Variants in POLN observed in about 807,000 individuals in gnomAD.
POLN encodes DNA polymerase nu, also known as DNA polymerase N.
POLN carries 108 observed loss-of-function variants against 113.5 expected under a neutral mutation model. The observed-to-expected ratio is 0.95, with a 90% CI of 0.81 to 1.12. POLN has a LOEUF of 1.12. Among genes scored for constraint, POLN ranks in the 50% most tolerant of loss-of-function variants. POLN has a pLI of 0.00. For synonymous variants in POLN, 386 were observed against 391.5 expected (o/e 0.99, Z 0.17); for missense variants, 1,097 against 1,077.1 (o/e 1.02, Z -0.26).
Position 2,127,130 on chromosome 4 carries a change from G to T in POLN, c.1982+983C>A, listed in dbSNP as rs949332906. On this transcript the variant is annotated intron_variant, in intron 19 of 25. Transcript: ENST00000511885. This position sits in a 1 kb window ranked among gnomAD's most constrained non-coding sequence, Gnocchi z 4.7. ...GGCAGGAGATGAGCTGGGACGGAGGGTAGGGAGGGGTGAGGGGGCCATAGG... is the reference window on the plus strand; with the variant it reads ...GGCAGGAGATGAGCTGGGACGGAGGTTAGGGAGGGGTGAGGGGGCCATAGG... Among the ~76,000 whole-genome samples, 7 of 150,268 alleles carry T rather than the reference G, an allele frequency of 4.7e-5. No individual in the cohort carries two copies. Among genetic ancestry groups the T allele is most frequent in the Non-Finnish European group, 8.9e-5 (6 of 67,460 alleles).
At chr4:2,081,561 C>T (rs1405240753) in intron 22 of POLN, 72 bp downstream of exon 22, 21 of 1,446,500 alleles carry the variant, frequency 1.5e-5, no homozygotes, top group Non-Finnish European at 4.8e-6. Context: ...CGGTGGGTGC[C>T]ACCCAGCCCT....
At chr4:2,141,796 C>A (rs1011469649) in intron 16 of POLN, among the ~76,000 whole-genome samples, 1 of 152,202 alleles carries the variant, frequency 6.6e-6, no homozygotes, top group Non-Finnish European at 1.5e-5. Flanking sequence ...TTCCAGCCCC[C>A]TCTCAGGCTC....
At chr4:2,152,669 A>C (rs1732325137) in intron 16 of POLN, among the ~76,000 whole-genome samples, 2 of 152,194 alleles carry the variant, frequency 1.3e-5, no homozygotes, top group African/African-American at 4.8e-5. Flanking sequence ...ATTTTCTTAA[A>C]TAGTGTGCAG....
chr4:2,237,425 G>C (rs548296212), intron 2 of POLN, among the ~76,000 whole-genome samples: 18 of 151,630 alleles, frequency 1.2e-4, no homozygotes, highest in African/African-American at 4.1e-4. Flanking sequence ...AAGAGAGTGA[G>C]ACCTTGTCTT....
chr4:2,108,083 A>ACTT (rs1271086183), intron 19 of POLN, among the ~76,000 whole-genome samples: 6 of 152,018 alleles, frequency 3.9e-5, no homozygotes, highest in Non-Finnish European at 8.8e-5. Flanking sequence ...GTCTCTCTTG[A>ACTT]CTTCTTCAAA....
chr4:2,238,429 C>CA (rs1298170657), intron 2 of POLN, among the ~76,000 whole-genome samples: 2 of 128,620 alleles, frequency 1.6e-5, no homozygotes, highest in African/African-American at 2.9e-5. Context: ...GAAAAGGCAG[C>CA]AAAAAAACTA....
chr4:2,146,772 G>T (rs1003326697), intron 16 of POLN, among the ~76,000 whole-genome samples: 28 of 152,276 alleles, frequency 1.8e-4, no homozygotes, highest in South Asian at 8.3e-4. Context: ...GGATCTAGGG[G>T]CAGAAAAAGT....
At chr4:2,220,638 G>C (rs1425477028) in intron 3 of POLN, among the ~76,000 whole-genome samples, 2 of 152,194 alleles carry the variant, frequency 1.3e-5, no homozygotes, top group Admixed American at 6.5e-5. Context: ...GTCTGCTCTT[G>C]CTGGATTCTT....
At chr4:2,176,422 G>A (rs6599413) in intron 8 of POLN, 88 bp from the exon 9 acceptor site, 155,251 of 1,045,542 alleles carry the variant, frequency 0.15, 18,056 homozygotes, top group African/African-American at 0.52. Flanking sequence ...CTTGAAAAAT[G>A]TTTCCTAGTA....
intron 11 of POLN, among the ~76,000 whole-genome samples, chr4:2,172,922 A>G (rs547346173): frequency 7.4e-4 from 112 of 152,366 alleles, no homozygotes; most frequent in African/African-American, 2.5e-3. Context: ...GCAGTGGGAC[A>G]GAGACACCAA....
chr4:2,120,927 A>G (rs1731423868), intron 19 of POLN, among the ~76,000 whole-genome samples: 1 of 152,216 alleles, frequency 6.6e-6, no homozygotes, highest in African/African-American at 2.4e-5. Flanking sequence ...CTTACTTATT[A>G]GTTCTAAGAG....
Position 2,102,839 on chromosome 4 carries a change from G to A in POLN, c.1983-6906C>T, listed in dbSNP as rs13434735. 4.1e-3 allele frequency among the ~76,000 whole-genome samples: 619 copies of A among 152,256 alleles called. 4 individuals carry two copies. The highest frequency in any genetic ancestry group is 0.014 in the African/African-American group (587 of 41,550). On this transcript the variant is annotated intron_variant, in intron 19 of 25. Transcript: ENST00000511885. ...TTCACAGCCAAAGAAATCATACAGA[G>A]TCTTCACTACTACACGCACTCAGAA...
At chr4:2,233,429 T>C (rs1210262325) in intron 2 of POLN, among the ~76,000 whole-genome samples, 1 of 139,890 alleles carries the variant, frequency 7.1e-6, no homozygotes, top group Non-Finnish European at 1.5e-5. Context: ...TTAGTGATTC[T>C]TGGATGCATT....
chr4:2,202,185 C>T (rs1733732447), intron 5 of POLN, among the ~76,000 whole-genome samples: 1 of 151,974 alleles, frequency 6.6e-6, no homozygotes, highest in Non-Finnish European at 1.5e-5. Context: ...GGAATGGTAC[C>T]TCACATCTCA....
In POLN at chr4:2,179,430, C is replaced by A; in HGVS notation, c.1057G>T (p.Ala353Ser). 6.2e-7 allele frequency: 1 copy of A among 1,613,962 alleles called. No homozygotes were observed. ...DFIGLDPRIA[A>S]WLIDPSDATP... ...GCATCACTAGGATCTATAAGCCATG[C>A]AGCAATTCTGGGATCTAGCCCTATA... The change falls in exon 8 of 26, where the codon GCA becomes TCA. Residue 353 changes from alanine (A) to serine (S), a missense_variant. By Grantham distance (99) the Ala-to-Ser change is moderately conservative. Coordinates refer to ENST00000511885, the MANE Select transcript of POLN (RefSeq NM_181808.4).
rs1197048063 is a variant in POLN at position 2,127,709 on chromosome 4, C to A, written c.1982+404G>T. 6.6e-6 allele frequency among the ~76,000 whole-genome samples: 1 copy of A among 152,268 alleles called. No individual in the cohort carries two copies. The highest frequency in any genetic ancestry group is 2.4e-5 in the African/African-American group (1 of 41,474). ...TAAGCCACTCAGGCAGGATCTTTCA[C>A]CCGCAGCTCAAGAAGCCCCTGGCCC... On this transcript the variant is annotated intron_variant, in intron 19 of 25. Coordinates refer to ENST00000511885, the MANE Select transcript of POLN (RefSeq NM_181808.4). This position sits in a 1 kb window ranked among gnomAD's most constrained non-coding sequence, Gnocchi z 4.7.
intron 16 of POLN, 32 bp downstream of exon 16, chr4:2,156,756 G>A (rs746097503): frequency 1.1e-5 from 18 of 1,576,988 alleles, no homozygotes; most frequent in Admixed American, 3.3e-5. Context: ...GGAAAATGGC[G>A]TTTAACAAAG....
At chr4:2,129,347 G>T in intron 17 of POLN, 91 bp from the exon 18 acceptor site, 1 of 809,534 alleles carries the variant, frequency 1.2e-6, no homozygotes, top group Non-Finnish European at 2.1e-6. Flanking sequence ...ATATTATTCT[G>T]AAGTCCAGAG....
intron 13 of POLN, among the ~76,000 whole-genome samples, chr4:2,168,721 A>G (rs940984236): frequency 3.3e-5 from 5 of 152,330 alleles, no homozygotes; most frequent in East Asian, 1.9e-4. Context: ...CATGCTGCCC[A>G]TGTCCACTGT....
Sources: gnomAD v4.1 joint callset for allele counts (sites outside exome capture counted in the v4.1 genomes callset) on GRCh38, gnomAD v4.1.1 for gene constraint, Gnocchi (gnomAD v3.1) non-coding constraint, MANE v1.5 for transcripts, NCBI Gene and HGNC (gene_info 2026-07-23, HGNC 2026-07-21) for gene names.